SLCO1C1: variants seen among roughly 807,000 people sequenced by gnomAD.
The protein encoded by SLCO1C1 is solute carrier organic anion transporter family member 1C1.
A neutral mutation model predicts 76.4 loss-of-function variants in SLCO1C1; 70 were observed. The observed-to-expected ratio is 0.92, with a 90% CI of 0.76 to 1.12. The LOEUF (loss-of-function observed/expected upper bound fraction) is 1.12, where lower values mean the gene tolerates loss of function less well. SLCO1C1 is among the 50% of genes most tolerant of loss of function. SLCO1C1 has a pLI of 0.00. For synonymous variants in SLCO1C1, 306 were observed against 286.1 expected (o/e 1.07, Z -0.70); for missense variants, 912 against 823.8 (o/e 1.11, Z -1.31).
At position 20,737,385 on chromosome 12, in the gene SLCO1C1, T is replaced by C. The variant is rs1248447005; in HGVS notation, c.1548+113T>C. On this transcript the variant is annotated intron_variant, in intron 11 of 14. Coordinates refer to ENST00000266509, the MANE Select transcript of SLCO1C1 (RefSeq NM_017435.5). Reference sequence around the variant, plus strand: ...TAGTAGGAGGCTTGCCTCTTACCTCTGCCTGGTCCTTTTTTGTAGAAAAAG... The same window carrying C: ...TAGTAGGAGGCTTGCCTCTTACCTCCGCCTGGTCCTTTTTTGTAGAAAAAG... The C allele has an allele frequency of 1.6e-5, 17 of 1,088,564 alleles. No individual in the cohort carries two copies. In the South Asian group the frequency reaches 2.1e-4, roughly 14 times the overall value. 67.4% of individuals were successfully genotyped at this position (1,088,564 alleles called of 1,614,324 possible).
At chr12:20,704,310 G>T (rs966351446) in intron 3 of SLCO1C1, among the ~76,000 whole-genome samples, 1 of 140,142 alleles carries the variant, frequency 7.1e-6, no homozygotes, top group Admixed American at 7.2e-5. Flanking sequence ...GCCCATTAAC[G>T]TAACACAGAA....
chr12:20,706,524 T>C (rs905374416), intron 4 of SLCO1C1, among the ~76,000 whole-genome samples: 5 of 152,130 alleles, frequency 3.3e-5, no homozygotes, highest in Non-Finnish European at 7.4e-5. Flanking sequence ...ACAGTATCTC[T>C]TAGACCTTTA....
intron 9 of SLCO1C1, among the ~76,000 whole-genome samples, chr12:20,731,203 T>C (rs1172812519): frequency 6.6e-6 from 1 of 152,238 alleles, no homozygotes; most frequent in Non-Finnish European, 1.5e-5. Flanking sequence ...TCTGAAGTTA[T>C]GCAAACCACC....
chr12:20,747,696 T>C (rs142948732), intron 13 of SLCO1C1, among the ~76,000 whole-genome samples: 1 of 152,300 alleles, frequency 6.6e-6, no homozygotes, highest in East Asian at 1.9e-4. Flanking sequence ...ATATATTTGT[T>C]TGGTTTTTGA....
chr12:20,727,354 C>T (rs1948065752), intron 9 of SLCO1C1, among the ~76,000 whole-genome samples: 1 of 152,182 alleles, frequency 6.6e-6, no homozygotes. Context: ...CGCAGCCTCA[C>T]CAACATCTGT....
intron 10 of SLCO1C1, 93 bp downstream of exon 10, chr12:20,733,197 C>A: frequency 1.7e-6 from 2 of 1,211,944 alleles, no homozygotes; most frequent in East Asian, 2.5e-5. Context: ...GATTTTTAAA[C>A]ATCATAACTA....
At chr12:20,737,085 A>C (rs1232478063) in intron 10 of SLCO1C1, 22 bp from the exon 11 acceptor site, 1 of 1,473,938 alleles carries the variant, frequency 6.8e-7, no homozygotes, top group Admixed American at 2.8e-5. Context: ...GTAATATTTT[A>C]TATTGTTATA....
Position 20,699,605 on chromosome 12 carries a change from AGTT to A in SLCO1C1, c.33_35del (p.Leu11del). 1 of 1,612,080 alleles carries A rather than the reference AGTT, an allele frequency of 6.2e-7. No individual in the cohort carries two copies. Among genetic ancestry groups the A allele is most frequent in the East Asian group, 2.2e-5 (1 of 44,806 alleles). Reference sequence around the variant, plus strand: ...GACACTTCATCCAAAGAAAATATCCAGTTGTTCTGCAAAACTTCAGTGCAACCT... The same window carrying A: ...GACACTTCATCCAAAGAAAATATCCAGTTCTGCAAAACTTCAGTGCAACCT... On this transcript the variant is annotated inframe_deletion, in exon 2 of 15. Coordinates refer to ENST00000266509, the MANE Select transcript of SLCO1C1 (RefSeq NM_017435.5).
At chr12:20,747,603 C>T (rs1949106719) in intron 13 of SLCO1C1, among the ~76,000 whole-genome samples, 1 of 117,740 alleles carries the variant, frequency 8.5e-6, no homozygotes, top group Non-Finnish European at 2.1e-5. Context: ...AAATTGCAAA[C>T]ATTTGAATTT....
chr12:20,710,044 TA>T (rs1327261506), intron 4 of SLCO1C1, among the ~76,000 whole-genome samples: 1 of 151,618 alleles, frequency 6.6e-6, no homozygotes, highest in African/African-American at 2.4e-5. Context: ...AAAACATACA[TA>T]CAAAAATGTT....
Position 20,752,480 on chromosome 12 carries a change from T to A in SLCO1C1, c.2091T>A (p.Asp697Glu), listed in dbSNP as rs1298264908. The A allele has an allele frequency of 1.9e-6, 3 of 1,611,358 alleles. No homozygotes were observed. The highest frequency in any genetic ancestry group is 1.6e-4 in the Middle Eastern group (1 of 6,068). The change falls in exon 15 of 15, where the codon GAT becomes GAA. Residue 697 changes from aspartate (D) to glutamate (E), a missense_variant. Physicochemically the swap from Asp to Glu is conservative, Grantham distance 45. Transcript: ENST00000266509. ...AAAAGGAAAATTACACTACAAGTGATCATCTGCTACAACCCAACTACTGGC... is the reference window on the plus strand; with the variant it reads ...AAAAGGAAAATTACACTACAAGTGAACATCTGCTACAACCCAACTACTGGC... ...RFQKENYTTS[D>E]HLLQPNYWPG...
At position 20,701,442 on chromosome 12, in the gene SLCO1C1, A is replaced by T; in HGVS notation, c.254A>T (p.Asp85Val). 1 of 1,510,434 alleles carries T rather than the reference A, an allele frequency of 6.6e-7. No individual in the cohort carries two copies. The highest frequency in any genetic ancestry group is 9.0e-7 in the Non-Finnish European group (1 of 1,111,462). The allele number at this position is 1,510,434 out of a possible 1,614,324, so 93.6% of individuals were successfully genotyped here. A position where few individuals can be genotyped will look rare whatever the true frequency, so the allele number is the denominator to read the frequency against. Residue 85 changes from aspartate (D) to valine (V), a missense_variant, in exon 3 of 15, where the codon GAT becomes GTT. Asp to Val is a radical substitution (Grantham distance 152). Coordinates refer to ENST00000266509, the MANE Select transcript of SLCO1C1 (RefSeq NM_017435.5). Reference protein sequence around the residue: ...DIPSSLVGVIDGSFEIGNLLV... With the variant: ...DIPSSLVGVIVGSFEIGNLLV... ...CCTTCTTCACTGGTGGGAGTTATTG[A>T]TGGTAGTTTTGAAATTGGTAGGTAT...
chr12:20,734,563 T>C (rs1480342324), intron 10 of SLCO1C1, among the ~76,000 whole-genome samples: 1 of 152,188 alleles, frequency 6.6e-6, no homozygotes, highest in Non-Finnish European at 1.5e-5. Flanking sequence ...ATGAGTTTAG[T>C]TTTGTTATCC....
At chr12:20,712,299 C>G (rs1211331109) in intron 5 of SLCO1C1, among the ~76,000 whole-genome samples, 1 of 152,158 alleles carries the variant, frequency 6.6e-6, no homozygotes, top group Admixed American at 6.5e-5. Flanking sequence ...TGGGAATATT[C>G]TCTTCTATAT....
At chr12:20,702,882 G>A (rs1946588105) in intron 3 of SLCO1C1, among the ~76,000 whole-genome samples, 1 of 151,862 alleles carries the variant, frequency 6.6e-6, no homozygotes, top group African/African-American at 2.4e-5. Context: ...TAGAGCTGAA[G>A]AGGCATAGAA....
At chr12:20,713,349 G>C (rs570971071) in intron 5 of SLCO1C1, among the ~76,000 whole-genome samples, 2 of 152,264 alleles carry the variant, frequency 1.3e-5, no homozygotes, top group Admixed American at 6.5e-5. Context: ...AAAGTGCTGG[G>C]ATTACAGGCG....
Position 20,712,225 on chromosome 12 carries a change from T to C in SLCO1C1, c.529+715T>C, listed in dbSNP as rs115127731. 9.7e-3 allele frequency among the ~76,000 whole-genome samples: 1,477 copies of C among 152,326 alleles called. 23 individuals carry two copies. The highest frequency in any genetic ancestry group is 0.034 in the African/African-American group (1,406 of 41,558). ...GATGCAGGAATTTTATCAAAGTGTC[T>C]AGTGTTCTAGATGGCTGATGCATAT... On this transcript the variant is annotated intron_variant, in intron 5 of 14. Coordinates refer to ENST00000266509, the MANE Select transcript of SLCO1C1 (RefSeq NM_017435.5).
chr12:20,733,212 A>C (rs1948378904), intron 10 of SLCO1C1, 108 bp downstream of exon 10: 1 of 1,049,736 alleles, frequency 9.5e-7, no homozygotes. Flanking sequence ...TAACTATGGT[A>C]AGCAACTTAG....
chr12:20,717,534 C>G (rs1328663211), intron 7 of SLCO1C1, among the ~76,000 whole-genome samples: 2 of 150,310 alleles, frequency 1.3e-5, no homozygotes, highest in Non-Finnish European at 3.0e-5. Flanking sequence ...CTTGTTGGCT[C>G]TTATTGGCTT....
Sources: allele counts gnomAD v4.1 joint callset (sites outside exome capture counted in the v4.1 genomes callset), GRCh38; gene constraint gnomAD v4.1.1; transcripts MANE v1.5; gene names NCBI Gene and HGNC (gene_info 2026-07-23, HGNC 2026-07-21).